Variants in TPTE observed in about 807,000 individuals in gnomAD.
The protein encoded by TPTE is transmembrane phosphatase with tensin homology.
In TPTE, 59 loss-of-function variants were observed where a neutral mutation model predicts 84.1. The ratio of observed to expected loss-of-function variants is 0.70; its 90% CI spans 0.57 to 0.87. The LOEUF (loss-of-function observed/expected upper bound fraction) is 0.87. Among genes scored for constraint, TPTE ranks in the 40% least tolerant of loss-of-function variants. TPTE has a pLI of 0.00. For missense variants in TPTE, 382 were observed against 659.6 expected (o/e 0.58, Z 4.61); for synonymous variants, 130 against 223.5 (o/e 0.58, Z 3.73).
At chr21:10,579,435 A>T (rs1412712896) in intron 17 of TPTE, among the ~76,000 whole-genome samples, 2 of 152,312 alleles carry the variant, frequency 1.3e-5, no homozygotes, top group African/African-American at 4.8e-5. Flanking sequence ...GGTTGCGGTG[A>T]GCTGAGATCG....
At chr21:10,562,011 C>A (rs1184002044) in intron 10 of TPTE, among the ~76,000 whole-genome samples, 2 of 152,304 alleles carry the variant, frequency 1.3e-5, no homozygotes, top group Non-Finnish European at 1.5e-5. Flanking sequence ...TGTCACTCAA[C>A]CCCAAGCTTT....
At chr21:10,549,041 C>G (rs1266304094) in intron 7 of TPTE, among the ~76,000 whole-genome samples, 5 of 152,308 alleles carry the variant, frequency 3.3e-5, no homozygotes, top group Non-Finnish European at 7.3e-5. Flanking sequence ...TGAGCCCACC[C>G]CTGGCAAGGC....
chr21:10,572,307 C>A (rs2075060465), intron 14 of TPTE, among the ~76,000 whole-genome samples: 2 of 152,278 alleles, frequency 1.3e-5, no homozygotes, highest in Non-Finnish European at 2.9e-5. Context: ...AAAAAATTAC[C>A]TGGGTGTGGT....
At chr21:10,600,140 C>CTTTTT (rs71217979) in intron 21 of TPTE, among the ~76,000 whole-genome samples, 24 of 142,448 alleles carry the variant, frequency 1.7e-4, no homozygotes, top group African/African-American at 5.2e-4. Context: ...TTTTCTTTTT[C>CTTTTT]TTTTTTTTTT....
intron 19 of TPTE, among the ~76,000 whole-genome samples, chr21:10,593,481 C>T (rs1423122674): frequency 6.6e-6 from 1 of 152,304 alleles, no homozygotes; most frequent in African/African-American, 2.4e-5. Context: ...TCATAGATTT[C>T]TCACCATTTT....
intron 23 of TPTE, 90 bp from the exon 24 acceptor site, chr21:10,605,327 T>TA: frequency 6.7e-7 from 1 of 1,493,422 alleles, no homozygotes; most frequent in South Asian, 1.3e-5. Flanking sequence ...GGTTCTTTTT[T>TA]TGTTTCTTCC....
At chr21:10,563,337 G>C (rs866873100) in intron 10 of TPTE, among the ~76,000 whole-genome samples, 88 of 152,370 alleles carry the variant, frequency 5.8e-4, no homozygotes, top group Non-Finnish European at 8.2e-4. Flanking sequence ...GGTAATAGTA[G>C]GTATACAGAA....
intron 3 of TPTE, among the ~76,000 whole-genome samples, chr21:10,529,466 T>C (rs1306452596): frequency 2.6e-5 from 4 of 152,310 alleles, no homozygotes; most frequent in African/African-American, 9.6e-5. Context: ...GAGATTAAAA[T>C]GTCTGTTCAC....
At chr21:10,558,009 G>T (rs1178216373) in intron 8 of TPTE, among the ~76,000 whole-genome samples, 3 of 152,304 alleles carry the variant, frequency 2.0e-5, no homozygotes, top group Admixed American at 1.3e-4. Context: ...TCAGTATTTG[G>T]TTTTCTGTTT....
chr21:10,522,725 A>T lies in TPTE; in HGVS notation c.-211+1031A>T, dbSNP rs364221. Among the ~76,000 whole-genome samples the T allele has an allele frequency of 2.0e-5, 3 of 152,302 alleles. No homozygotes were observed. In the South Asian group the frequency reaches 6.2e-4, roughly 32 times the overall value. On this transcript the variant is annotated intron_variant, in intron 1 of 23. Coordinates refer to ENST00000618007, the MANE Select transcript of TPTE (RefSeq NM_199261.4). ...TTACAATTGAAGTTTATTTTTTCTT[A>T]TACTCAAAATTTTAATTCGCACATA...
At chr21:10,546,558 A>G (rs147849843) in intron 7 of TPTE, among the ~76,000 whole-genome samples, 2,344 of 151,408 alleles carry the variant, frequency 0.015, no homozygotes, top group East Asian at 0.15. Context: ...TAAAACAAAA[A>G]CAAAAACAAA....
At chr21:10,542,971 C>T (rs1249990432) in intron 6 of TPTE, among the ~76,000 whole-genome samples, 6 of 150,392 alleles carry the variant, frequency 4.0e-5, no homozygotes, top group East Asian at 3.9e-4. Flanking sequence ...GCTAATTTTC[C>T]AAAAAAGTAA....
intron 17 of TPTE, among the ~76,000 whole-genome samples, chr21:10,584,879 A>AGT (rs56198162): frequency 0.08 from 11,679 of 146,894 alleles, 4 homozygotes; most frequent in East Asian, 0.1. Context: ...ATGCTTTACG[A>AGT]GTGTGTGTGT....
chr21:10,552,824 A>T (rs566145270), intron 8 of TPTE, 108 bp downstream of exon 8: 139 of 1,591,734 alleles, frequency 8.7e-5, no homozygotes, highest in Non-Finnish European at 1.1e-4. Context: ...CTATGGAAAG[A>T]TATCAAAATG....
intron 23 of TPTE, among the ~76,000 whole-genome samples, chr21:10,604,641 G>A (rs1249874723): frequency 6.6e-6 from 1 of 152,298 alleles, no homozygotes; most frequent in South Asian, 2.1e-4. Context: ...CAAACAATAA[G>A]CTTTTTATTC....
chr21:10,600,126 A>ATTT (rs1454812954), intron 21 of TPTE, among the ~76,000 whole-genome samples: 1 of 150,112 alleles, frequency 6.7e-6, no homozygotes. Context: ...TGTTTTTCCA[A>ATTT]TTTTTTTCTT....
chr21:10,547,977 T>C (rs1013887436), intron 7 of TPTE, among the ~76,000 whole-genome samples: 1 of 152,420 alleles, frequency 6.6e-6, no homozygotes, highest in African/African-American at 2.4e-5. Context: ...AGAGTGACTA[T>C]GAGCCCATGC....
chr21:10,523,237 C>A (rs1461090531), intron 1 of TPTE, among the ~76,000 whole-genome samples: 1 of 152,308 alleles, frequency 6.6e-6, no homozygotes, highest in Non-Finnish European at 1.5e-5. Context: ...GGTTTTGGTA[C>A]ATTCTCCCCC....
At chr21:10,545,751 A>G (rs1197704766) in intron 7 of TPTE, among the ~76,000 whole-genome samples, 3 of 151,758 alleles carry the variant, frequency 2.0e-5, no homozygotes, top group Non-Finnish European at 4.4e-5. Flanking sequence ...ATTTGTGTGT[A>G]TATAGATATA....
Sources: allele counts gnomAD v4.1 joint callset (sites outside exome capture counted in the v4.1 genomes callset), GRCh38; gene constraint gnomAD v4.1.1; transcripts MANE v1.5; gene names NCBI Gene and HGNC (gene_info 2026-07-23, HGNC 2026-07-21).